Variants in ALG9 observed in about 807,000 individuals in gnomAD.
ALG9 encodes alpha-1,2-mannosyltransferase ALG9.
ALG9 carries 55 observed loss-of-function variants against 81.8 expected under a neutral mutation model. That is an observed-to-expected ratio of 0.67 (90% CI 0.54 to 0.84). The LOEUF (loss-of-function observed/expected upper bound fraction) is 0.84, where lower values mean the gene tolerates loss of function less well. Among genes scored for constraint, ALG9 ranks in the 40% least tolerant of loss-of-function variants. The pLI is 0.00. For synonymous variants in ALG9, 278 were observed against 274.3 expected (o/e 1.01, Z -0.13); for missense variants, 629 against 745.0 (o/e 0.84, Z 1.81).
intron 14 of ALG9, among the ~76,000 whole-genome samples, chr11:111,793,151 T>G (rs1947683840): frequency 6.6e-6 from 1 of 152,102 alleles, no homozygotes; most frequent in African/African-American, 2.4e-5. Flanking sequence ...CCCAGCTAAT[T>G]TTTTACTTTT....
chr11:111,864,272 G>A lies in ALG9; in HGVS notation c.476+909C>T, dbSNP rs116851911. 7,018 of 1,134,646 alleles carry A rather than the reference G, an allele frequency of 6.2e-3. 33 individuals carry two copies. The highest frequency in any genetic ancestry group is 0.024 in the Middle Eastern group (120 of 5,060). The allele number at this position is 1,134,646 out of a possible 1,614,324, so 70.3% of individuals were successfully genotyped here. A position where few individuals can be genotyped will look rare whatever the true frequency, so the allele number is the denominator to read the frequency against. On this transcript the variant is annotated intron_variant, in intron 4 of 14. Transcript: ENST00000616540. ...GTGCACCATGTCTGGCTCCTCCAGC[G>A]TTGCCGCTATGAAGAAAGTGGTTCA...
rs905595543 is a variant in ALG9 at position 111,865,360 on chromosome 11, T to C, written c.406-109A>G. On this transcript the variant is annotated intron_variant, in intron 3 of 14. Transcript: ENST00000616540. ...TCAATAACACTGTAAATTGGTATAA[T>C]TCTTTTGAAAAGCAACATGGATCAA... The C allele has an allele frequency of 1.0e-4, 89 of 857,178 alleles. No homozygotes were observed. In the African/African-American group the frequency reaches 1.4e-3, roughly 13 times the overall value. 53.1% of individuals were successfully genotyped at this position (857,178 alleles called of 1,614,324 possible). A position where few individuals can be genotyped will look rare whatever the true frequency, so the allele number is the denominator to read the frequency against.
chr11:111,865,456 G>C (rs1399273532), intron 3 of ALG9, among the ~76,000 whole-genome samples: 1 of 152,160 alleles, frequency 6.6e-6, no homozygotes, highest in Non-Finnish European at 1.5e-5. Context: ...GGGTTGGGAG[G>C]TAGAGCTCCA....
intron 6 of ALG9, 137 bp from the exon 7 acceptor site, chr11:111,853,873 G>A: frequency 1.3e-6 from 1 of 776,586 alleles, no homozygotes; most frequent in Non-Finnish European, 2.3e-6. Flanking sequence ...GTATGTGAGA[G>A]GATGTCGTCA....
chr11:111,836,055 A>C, intron 13 of ALG9, 110 bp downstream of exon 13: 1 of 1,503,902 alleles, frequency 6.6e-7, no homozygotes, highest in Non-Finnish European at 9.2e-7. Context: ...GGCCTTAAAA[A>C]AATTGCTTTC....
intron 6 of ALG9, among the ~76,000 whole-genome samples, chr11:111,854,159 G>A (rs563192867): frequency 5.8e-4 from 85 of 146,068 alleles, no homozygotes; most frequent in Non-Finnish European, 1.0e-3. Flanking sequence ...GTGCAGTGGC[G>A]CAATCTCGGC....
the ALG9 span, among the ~76,000 whole-genome samples, chr11:111,772,838 A>G: frequency 6.6e-6 from 1 of 152,184 alleles, no homozygotes; most frequent in South Asian, 2.1e-4. Context: ...GTTCCAGAAG[A>G]TTTTTTTCAT....
At chr11:111,790,104 G>A (rs550005595) in intron 14 of ALG9, among the ~76,000 whole-genome samples, 14 of 152,148 alleles carry the variant, frequency 9.2e-5, no homozygotes, top group African/African-American at 1.4e-4. Context: ...AGCCGGGCGC[G>A]GTGGCTCACT....
intron 8 of ALG9, chr11:111,849,454 A>G (rs1555134853): frequency 6.6e-6 from 1 of 152,204 alleles, no homozygotes; most frequent in Admixed American, 6.5e-5. Context: ...AGATGTATGC[A>G]AAAACTATCT....
chr11:111,845,435 T>A (rs1456004387), intron 8 of ALG9: 1 of 152,378 alleles, frequency 6.6e-6, no homozygotes, highest in East Asian at 1.9e-4. Context: ...TCGCGTACAT[T>A]GGGCAACATG....
At chr11:111,859,318 A>G (rs1400284790) in intron 5 of ALG9, among the ~76,000 whole-genome samples, 3 of 152,242 alleles carry the variant, frequency 2.0e-5, no homozygotes, top group South Asian at 2.1e-4. Flanking sequence ...CCTGACCAAC[A>G]TGGTGAAACC....
intron 13 of ALG9, among the ~76,000 whole-genome samples, chr11:111,820,059 G>A (rs1248983654): frequency 2.0e-5 from 3 of 152,160 alleles, no homozygotes; most frequent in African/African-American, 7.2e-5. Context: ...ACATCATATC[G>A]TAATAAATCT....
chr11:111,864,379 T>C (rs1299838664), intron 4 of ALG9: 1 of 765,468 alleles, frequency 1.3e-6, no homozygotes, highest in Non-Finnish European at 2.4e-6. Flanking sequence ...GTCTGCAGAA[T>C]GTTCAACATG....
chr11:111,780,911 C>T (rs911239292), downstream of ALG9, among the ~76,000 whole-genome samples: 1 of 152,034 alleles, frequency 6.6e-6, no homozygotes, highest in Non-Finnish European at 1.5e-5. Flanking sequence ...GAGACAGGGT[C>T]GCATGGTTTA....
chr11:111,864,293 G>C, intron 4 of ALG9: 1 of 1,113,658 alleles, frequency 9.0e-7, no homozygotes, highest in South Asian at 1.3e-5. Context: ...GAAGAAAGTG[G>C]TTCAACAGCC....
chr11:111,789,483 A>C (rs1382256441), intron 14 of ALG9, among the ~76,000 whole-genome samples: 1 of 150,786 alleles, frequency 6.6e-6, no homozygotes, highest in African/African-American at 2.4e-5. Flanking sequence ...CGAGCAATCC[A>C]CCTGCCTCAG....
intron 6 of ALG9, among the ~76,000 whole-genome samples, chr11:111,855,408 G>A (rs1341567633): frequency 6.6e-6 from 1 of 152,184 alleles, no homozygotes; most frequent in Non-Finnish European, 1.5e-5. Flanking sequence ...AGTTTGGAGA[G>A]CTGATTTACA....
chr11:111,826,019 TCG>T, intron 13 of ALG9, among the ~76,000 whole-genome samples: 1 of 150,484 alleles, frequency 6.6e-6, no homozygotes, highest in Non-Finnish European at 1.5e-5. Flanking sequence ...TGAGCCGAGA[TCG>T]CACCACTGCA....
chr11:111,822,032 G>A (rs1042712225), intron 13 of ALG9, among the ~76,000 whole-genome samples: 6 of 152,140 alleles, frequency 3.9e-5, no homozygotes, highest in Non-Finnish European at 7.4e-5. Context: ...GATAGATACA[G>A]GTTATATCAA....
Sources: gnomAD v4.1 joint callset for allele counts (sites outside exome capture counted in the v4.1 genomes callset) on GRCh38, gnomAD v4.1.1 for gene constraint, MANE v1.5 for transcripts, NCBI Gene and HGNC (gene_info 2026-07-23, HGNC 2026-07-21) for gene names.